RAP1GAP: variants seen among roughly 807,000 people sequenced by gnomAD.
The protein encoded by RAP1GAP is RAP1 GTPase activating protein.
Under a neutral mutation model 87.2 loss-of-function variants are expected in RAP1GAP, and 35 were observed. The ratio of observed to expected loss-of-function variants is 0.40; its 90% CI spans 0.31 to 0.53. The LOEUF (loss-of-function observed/expected upper bound fraction) is 0.53, where lower values mean the gene tolerates loss of function less well. Among genes scored for constraint, RAP1GAP ranks in the 20% least tolerant of loss-of-function variants. RAP1GAP has a pLI of 0.48. For synonymous variants in RAP1GAP, 375 were observed against 363.9 expected, an observed-to-expected ratio of 1.03 and a Z score of -0.35; for missense variants, 734 against 898.9, an observed-to-expected ratio of 0.82 and a Z score of 2.35.
At position 21,622,338 on chromosome 1, in the gene RAP1GAP, C is replaced by T. The variant is rs544721510; in HGVS notation, c.-18-2288G>A. The T allele has an allele frequency of 8.8e-4, 432 of 488,828 alleles. 1 individual carries two copies. The highest frequency in any genetic ancestry group is 1.2e-3 in the Non-Finnish European group (325 of 275,462). 30.3% of individuals were successfully genotyped at this position (488,828 alleles called of 1,614,324 possible). A position where few individuals can be genotyped will look rare whatever the true frequency, so the allele number is the denominator to read the frequency against. On this transcript the variant is annotated intron_variant, in intron 3 of 24. Transcript: ENST00000374765. This position sits in a 1 kb window ranked among gnomAD's most constrained non-coding sequence, Gnocchi z 5.7. ...CCATGCCGCCCCGCCCGGGTCCTCA[C>T]CTGCCAGCTGGCCCCCGCGGGCAGC...
At chr1:21,662,846 G>A (rs59552763) in intron 1 of RAP1GAP, among the ~76,000 whole-genome samples, 13,429 of 152,220 alleles carry the variant, frequency 0.088, 713 homozygotes, top group East Asian at 0.25. Flanking sequence ...ACCTCTCTGA[G>A]CCCTTGAGGG....
chr1:21,656,229 G>A (rs763511276), intron 1 of RAP1GAP, among the ~76,000 whole-genome samples: 1 of 151,962 alleles, frequency 6.6e-6, no homozygotes, highest in African/African-American at 2.4e-5. Context: ...TCAGGAGTTC[G>A]AGATCAGCCT....
chr1:21,610,046 GGGGCATCCCAGGGA>G, intron 14 of RAP1GAP, 60 bp downstream of exon 14: 2 of 1,537,570 alleles, frequency 1.3e-6, no homozygotes, highest in Non-Finnish European at 1.8e-6. Context: ...GAGGCTCAGA[GGGGCATCCCAGGGA>G]GGGCAGAGCT....
intron 1 of RAP1GAP, among the ~76,000 whole-genome samples, chr1:21,653,816 C>G (rs1268073016): frequency 6.6e-6 from 1 of 152,062 alleles, no homozygotes; most frequent in Non-Finnish European, 1.5e-5. Context: ...TGCTGCATCC[C>G]CTTCGACATG....
At chr1:21,620,979 C>A (rs186599166) in intron 3 of RAP1GAP, among the ~76,000 whole-genome samples, 20 of 152,314 alleles carry the variant, frequency 1.3e-4, no homozygotes, top group African/African-American at 4.8e-4. Flanking sequence ...ACAACACACA[C>A]AAACACATAT....
chr1:21,666,918 T>G (rs1358977242), intron 1 of RAP1GAP, among the ~76,000 whole-genome samples: 1 of 152,184 alleles, frequency 6.6e-6, no homozygotes, highest in Non-Finnish European at 1.5e-5. Context: ...CGTCTCTCTG[T>G]GTGTACACAC....
intron 20 of RAP1GAP, 38 bp from the exon 21 acceptor site, chr1:21,599,655 C>T (rs12739477): frequency 0.028 from 43,639 of 1,582,596 alleles, 696 homozygotes; most frequent in Middle Eastern, 0.036. Context: ...GTGTCCACCC[C>T]GAGCCCCTCC....
Position 21,599,405 on chromosome 1 carries a change from G to A in RAP1GAP, c.1776+89C>T, listed in dbSNP as rs951712640. The A allele has an allele frequency of 2.0e-6, 3 of 1,511,290 alleles. No homozygotes were observed. The African/African-American group carries it at 4.2e-5, about 21-fold the overall frequency. 93.6% of individuals were successfully genotyped at this position (1,511,290 alleles called of 1,614,324 possible). A position where few individuals can be genotyped will look rare whatever the true frequency, so the allele number is the denominator to read the frequency against. Reference sequence around the variant, plus strand: ...CCTGATCACATCTCAGCCACGCCCAGGCTCGTGGTTCTACTCAGGGCATCT... The same window carrying A: ...CCTGATCACATCTCAGCCACGCCCAAGCTCGTGGTTCTACTCAGGGCATCT... On this transcript the variant is annotated intron_variant, in intron 21 of 24. Coordinates refer to ENST00000374765, the MANE Select transcript of RAP1GAP (RefSeq NM_002885.4).
chr1:21,654,808 G>T (rs1355494864), intron 1 of RAP1GAP, among the ~76,000 whole-genome samples: 1 of 149,658 alleles, frequency 6.7e-6, no homozygotes, highest in East Asian at 2.0e-4. Context: ...CTCCAGCCTG[G>T]GTGACAGAGC....
chr1:21,600,444 C>T (rs2067195395), intron 20 of RAP1GAP, among the ~76,000 whole-genome samples: 1 of 152,222 alleles, frequency 6.6e-6, no homozygotes, highest in African/African-American at 2.4e-5. Flanking sequence ...CAACGGACAC[C>T]AAATGCAGGG....
chr1:21,648,434 T>G (rs939555870), intron 2 of RAP1GAP, among the ~76,000 whole-genome samples: 1 of 152,148 alleles, frequency 6.6e-6, no homozygotes, highest in African/African-American at 2.4e-5. Flanking sequence ...AAGATCAAGG[T>G]TCAAATCCCA....
chr1:21,622,387 T>C lies in RAP1GAP; in HGVS notation c.-18-2337A>G. The C allele has an allele frequency of 2.3e-6, 1 of 426,174 alleles. No homozygotes were observed. The highest frequency in any genetic ancestry group is 4.1e-6 in the Non-Finnish European group (1 of 242,352). The allele number at this position is 426,174 out of a possible 1,614,324, so 26.4% of individuals were successfully genotyped here. ...GCGAGCCCCTCCGCGGACGGCCGGGTGGCACCGCGGGCCGCAGCTGTGCCA... is the reference window on the plus strand; with the variant it reads ...GCGAGCCCCTCCGCGGACGGCCGGGCGGCACCGCGGGCCGCAGCTGTGCCA... On this transcript the variant is annotated intron_variant, in intron 3 of 24. Coordinates refer to ENST00000374765, the MANE Select transcript of RAP1GAP (RefSeq NM_002885.4). This position sits in a 1 kb window ranked among gnomAD's most constrained non-coding sequence, Gnocchi z 5.7.
At chr1:21,662,820 T>C (rs2097198938) in intron 1 of RAP1GAP, among the ~76,000 whole-genome samples, 2 of 152,170 alleles carry the variant, frequency 1.3e-5, no homozygotes, top group South Asian at 4.1e-4. Flanking sequence ...CTGGGTGACC[T>C]GGGGCAGGCT....
rs768748429 is a variant in RAP1GAP, at chr1:21,613,224, C to T, written c.480G>A (p.Val160=). The stretch of plus-strand genomic sequence containing the variant: ...ACCGATCCACATTGACGTCTTCACA[C>T]ACCAACTGCAGGAGGAGATAAGGGA... ...FPNVVQMAKL[V]CEDVNVDRFY... The change falls in exon 10 of 25, where the codon GTG becomes GTA. Residue 160 remains valine (V), a synonymous_variant. Coordinates refer to ENST00000374765, the MANE Select transcript of RAP1GAP (RefSeq NM_002885.4). This position sits in a 1 kb window ranked among gnomAD's most constrained non-coding sequence, Gnocchi z 4.7. 8 of 1,558,542 alleles carry T rather than the reference C, an allele frequency of 5.1e-6. No individual in the cohort carries two copies. The South Asian group carries it at 8.9e-5, about 17-fold the overall frequency.
chr1:21,602,657 C>T, intron 19 of RAP1GAP, 147 bp downstream of exon 19: 1 of 670,518 alleles, frequency 1.5e-6, no homozygotes, highest in Non-Finnish European at 2.4e-6. Flanking sequence ...GCCCGACACG[C>T]AGCAGGGACT....
rs756020682 is a variant in RAP1GAP at position 21,603,523 on chromosome 1, C to A, written c.1429-610G>T. ...GAGAGGGATGGCGCTCCATGCAGACCGGCGATATTGGGGGACGTGCGGCTG... is the reference window on the plus strand; with the variant it reads ...GAGAGGGATGGCGCTCCATGCAGACAGGCGATATTGGGGGACGTGCGGCTG... On this transcript the variant is annotated intron_variant, in intron 18 of 24. Coordinates refer to ENST00000374765, the MANE Select transcript of RAP1GAP (RefSeq NM_002885.4). The surrounding 1 kb of genome is among the most constrained non-coding windows in gnomAD (Gnocchi z 6.0). 21 of 602,960 alleles carry A rather than the reference C, an allele frequency of 3.5e-5. No homozygotes were observed. The highest frequency in any genetic ancestry group is 9.3e-5 in the African/African-American group (5 of 54,026). 37.4% of individuals were successfully genotyped at this position (602,960 alleles called of 1,614,324 possible).
intron 3 of RAP1GAP, 78 bp from the exon 4 acceptor site, chr1:21,620,128 C>A (rs914601416): frequency 6.6e-7 from 1 of 1,508,958 alleles, no homozygotes; most frequent in Admixed American, 1.7e-5. Context: ...CCCGGCCCTC[C>A]GGGTCCCACC....
intron 3 of RAP1GAP, 134 bp from the exon 4 acceptor site, chr1:21,620,184 G>C (rs972722793): frequency 1.1e-6 from 1 of 884,172 alleles, no homozygotes; most frequent in African/African-American, 1.7e-5. Context: ...GCAAGCGGGA[G>C]TGACGGGAGC....
intron 2 of RAP1GAP, among the ~76,000 whole-genome samples, chr1:21,645,354 C>T (rs1268994450): frequency 6.6e-6 from 1 of 152,054 alleles, no homozygotes; most frequent in Non-Finnish European, 1.5e-5. Context: ...GTGGCTCACG[C>T]TTGTAATCCT....
Sources: allele counts gnomAD v4.1 joint callset (sites outside exome capture counted in the v4.1 genomes callset), GRCh38; gene constraint gnomAD v4.1.1; non-coding constraint Gnocchi (gnomAD v3.1); transcripts MANE v1.5; gene names NCBI Gene and HGNC (gene_info 2026-07-23, HGNC 2026-07-21).